The following HS6ST2 variants were observed in gnomAD, a reference collection of about 807,000 sequenced individuals.
HS6ST2 encodes the protein heparan sulfate 6-O-sulfotransferase 2, also known as heparan-sulfate 6-O-sulfotransferase 2.
A neutral mutation model predicts 33.0 loss-of-function variants in HS6ST2; 17 were observed. The observed-to-expected ratio is 0.52, with a 90% CI of 0.35 to 0.77. The LOEUF (loss-of-function observed/expected upper bound fraction) is 0.77. Among genes scored for constraint, HS6ST2 ranks in the 30% least tolerant of loss-of-function variants. HS6ST2 has a pLI of 0.01. For missense variants in HS6ST2, 519 were observed against 551.7 expected (o/e 0.94, Z 0.59); for synonymous variants, 248 against 237.1 (o/e 1.05, Z -0.42).
chrX:132,675,747 G>A (rs1455644733), intron 3 of HS6ST2, among the ~76,000 whole-genome samples: 1 of 111,867 alleles, frequency 8.9e-6, no homozygotes, highest in Non-Finnish European at 1.9e-5. Flanking sequence ...TTCACTTGCA[G>A]TTCACATCTT....
intron 2 of HS6ST2, among the ~76,000 whole-genome samples, chrX:132,837,588 G>T (rs1273499627): frequency 1.8e-5 from 2 of 111,676 alleles, no homozygotes; most frequent in Middle Eastern, 4.6e-3. Flanking sequence ...TGTGTGGCAG[G>T]TTCCTGTGAA....
intron 4 of HS6ST2, among the ~76,000 whole-genome samples, chrX:132,631,107 AT>A (rs2063514107): frequency 8.9e-6 from 1 of 111,922 alleles, no homozygotes; most frequent in Non-Finnish European, 1.9e-5. Context: ...CATCCCTGGC[AT>A]AAAGCAGAAT....
intron 2 of HS6ST2, among the ~76,000 whole-genome samples, chrX:132,912,902 C>T (rs191002596): frequency 8.3e-4 from 93 of 111,834 alleles, no homozygotes; most frequent in Non-Finnish European, 7.9e-4. Flanking sequence ...TAATTGATCC[C>T]CACCCTTCAC....
At chrX:132,859,604 G>T (rs750069514) in intron 2 of HS6ST2, among the ~76,000 whole-genome samples, 1 of 103,278 alleles carries the variant, frequency 9.7e-6, no homozygotes, top group South Asian at 4.9e-4. Flanking sequence ...GAAAAGAGGA[G>T]GGGAGGAAAG....
Position 132,626,054 on chromosome X carries a change from A to ACAAAAT in HS6ST2, c.*2163_*2168dup, listed in dbSNP as rs2063479297. The ACAAAAT allele has an allele frequency of 8.8e-6, 1 of 112,995 alleles. No individual in the cohort carries two copies. The highest frequency in any genetic ancestry group is 1.9e-5 in the Non-Finnish European group (1 of 53,358). The allele number at this position is 112,995 out of a possible 1,213,427, so 9.3% of individuals were successfully genotyped here. A position where few individuals can be genotyped will look rare whatever the true frequency, so the allele number is the denominator to read the frequency against. ...TATTTCATATCTATTGTTAAATTAC[A>ACAAAAT]CAAAATCAGTGAATGGTTTGTAAAG... is the stretch of plus-strand genomic sequence containing the variant. On this transcript the variant is annotated 3_prime_UTR_variant, in exon 5 of 5. Transcript: ENST00000370833.
At chrX:132,814,659 G>T (rs2065379883) in intron 2 of HS6ST2, among the ~76,000 whole-genome samples, 1 of 111,384 alleles carries the variant, frequency 9.0e-6, no homozygotes, top group African/African-American at 3.3e-5. Flanking sequence ...ACAGGAGTGA[G>T]CCACTGCGCC....
chrX:132,788,940 G>A lies in HS6ST2; in HGVS notation c.948-80446C>T, dbSNP rs2065091592. 2.7e-5 allele frequency among the ~76,000 whole-genome samples: 3 copies of A among 112,554 alleles called. No individual in the cohort carries two copies. In the South Asian group the frequency reaches 1.1e-3, roughly 41 times the overall value. On this transcript the variant is annotated intron_variant, in intron 2 of 4. Coordinates refer to ENST00000370833, the MANE Select transcript of HS6ST2 (RefSeq NM_001394073.1). ...CACAAGTTGGAAGCTAGCAGAGGTT[G>A]GTTCATGAGGTTTAAGGAAATAAGC...
chrX:132,694,656 C>T (rs1371946441), intron 3 of HS6ST2, among the ~76,000 whole-genome samples: 1 of 110,647 alleles, frequency 9.0e-6, no homozygotes, highest in Non-Finnish European at 1.9e-5. Flanking sequence ...CTGTAGGGGT[C>T]CAATAAAGGA....
intron 2 of HS6ST2, among the ~76,000 whole-genome samples, chrX:132,859,088 G>C (rs1180090751): frequency 8.9e-6 from 1 of 112,084 alleles, no homozygotes; most frequent in Admixed American, 9.5e-5. Context: ...CAGAGTCTAA[G>C]TACACCTCCC....
chrX:132,956,691 G>A, intron 2 of HS6ST2, 117 bp downstream of exon 2: 1 of 887,607 alleles, frequency 1.1e-6, no homozygotes, highest in Non-Finnish European at 1.5e-6. Flanking sequence ...TGCCCAGCCG[G>A]GGTGCAAACG....
intron 2 of HS6ST2, among the ~76,000 whole-genome samples, chrX:132,738,807 G>A (rs1209574238): frequency 8.9e-6 from 1 of 111,870 alleles, no homozygotes; most frequent in Non-Finnish European, 1.9e-5. Flanking sequence ...CCACATCCAA[G>A]CACATCTTTC....
chrX:132,807,091 G>A (rs751640886), intron 2 of HS6ST2, among the ~76,000 whole-genome samples: 7 of 110,103 alleles, frequency 6.4e-5, no homozygotes, highest in African/African-American at 2.0e-4. Context: ...TTTAATGGCC[G>A]AAATGGCAAT....
intron 2 of HS6ST2, among the ~76,000 whole-genome samples, chrX:132,920,510 C>T (rs2066641111): frequency 8.9e-6 from 1 of 112,003 alleles, no homozygotes; most frequent in Non-Finnish European, 1.9e-5. Flanking sequence ...GATCGATGTA[C>T]ACTAAAATTC....
intron 2 of HS6ST2, among the ~76,000 whole-genome samples, chrX:132,772,698 TGATTAATATACA>T: frequency 1.0e-5 from 1 of 96,380 alleles, no homozygotes; most frequent in African/African-American, 3.8e-5. Context: ...TTAACTGTAA[TGATTAATATACA>T]ATATATAAAA....
intron 2 of HS6ST2, among the ~76,000 whole-genome samples, chrX:132,787,289 TAA>T (rs1491333571): frequency 3.2e-5 from 3 of 92,332 alleles, no homozygotes; most frequent in African/African-American, 8.1e-5. Context: ...TATATTTATA[TAA>T]TATATATATA....
intron 2 of HS6ST2, among the ~76,000 whole-genome samples, chrX:132,787,185 ATAC>A (rs2065073110): frequency 3.8e-5 from 3 of 77,968 alleles, no homozygotes; most frequent in African/African-American, 1.9e-4. Context: ...ATATATATAT[ATAC>A]ATATATATAT....
intron 3 of HS6ST2, among the ~76,000 whole-genome samples, chrX:132,680,856 G>A (rs1175311618): frequency 1.8e-5 from 2 of 110,595 alleles, no homozygotes; most frequent in Non-Finnish European, 3.8e-5. Flanking sequence ...AAAATTAGCT[G>A]GGCATGGTGG....
chrX:132,934,222 C>T (rs2066802683), intron 2 of HS6ST2, among the ~76,000 whole-genome samples: 1 of 111,127 alleles, frequency 9.0e-6, no homozygotes, highest in East Asian at 2.8e-4. Context: ...CAATAACAAA[C>T]CAAAAGAAAT....
At chrX:132,699,363 G>A (rs927528390) in intron 3 of HS6ST2, among the ~76,000 whole-genome samples, 2 of 111,647 alleles carry the variant, frequency 1.8e-5, no homozygotes, top group African/African-American at 6.5e-5. Flanking sequence ...TATTTTGATA[G>A]CATTGTAAAG....
Sources: allele counts gnomAD v4.1 joint callset (sites outside exome capture counted in the v4.1 genomes callset), GRCh38; gene constraint gnomAD v4.1.1; transcripts MANE v1.5; gene names NCBI Gene and HGNC (gene_info 2026-07-23, HGNC 2026-07-21).